CRTAC1: variants seen among roughly 807,000 people sequenced by gnomAD.
The protein encoded by CRTAC1 is acidic secreted protein in cartilage.
Under a neutral mutation model 67.8 loss-of-function variants are expected in CRTAC1, and 37 were observed. The observed-to-expected ratio is 0.55, with a 90% CI of 0.42 to 0.72. The LOEUF is 0.72. Among genes scored for constraint, CRTAC1 ranks in the 30% least tolerant of loss-of-function variants. The probability of loss-of-function intolerance (pLI) is 0.00; values close to 1 mark genes in which losing one functional copy is unlikely to be tolerated. For synonymous variants in CRTAC1, 348 were observed against 371.0 expected (o/e 0.94, Z 0.71); for missense variants, 780 against 931.6 (o/e 0.84, Z 2.12).
intron 2 of CRTAC1, among the ~76,000 whole-genome samples, chr10:98,000,596 G>A (rs764396507): frequency 2.6e-5 from 4 of 152,234 alleles, no homozygotes; most frequent in African/African-American, 9.6e-5. Context: ...TGAGCTGAGC[G>A]CAGCCTGCCA....
rs760802436 is a variant in CRTAC1 at position 97,884,169 on chromosome 10, G to A, written c.1632+37C>T. ...GCCCATGGGGTTGTGGGTGGTGCCC[G>A]CTTTTCTGGCTATGAGGCCCAGATG... On this transcript the variant is annotated intron_variant, in intron 12 of 14. Coordinates refer to ENST00000370597, the MANE Select transcript of CRTAC1 (RefSeq NM_018058.7). The A allele has an allele frequency of 8.4e-6, 13 of 1,544,672 alleles. No homozygotes were observed. The Middle Eastern group carries it at 6.8e-4, about 81-fold the overall frequency.
intron 4 of CRTAC1, among the ~76,000 whole-genome samples, chr10:97,919,843 G>A (rs918340108): frequency 1.3e-5 from 2 of 148,156 alleles, no homozygotes; most frequent in Non-Finnish European, 1.5e-5. Context: ...GGGTTCAAGT[G>A]ATCCTCCCAC....
intron 5 of CRTAC1, among the ~76,000 whole-genome samples, chr10:97,916,777 T>C (rs191172644): frequency 6.6e-6 from 1 of 152,214 alleles, no homozygotes; most frequent in Admixed American, 6.5e-5. Context: ...GGCTTCCTGA[T>C]TTTTGGCACC....
intron 14 of CRTAC1, among the ~76,000 whole-genome samples, chr10:97,877,158 C>T (rs2050157811): frequency 6.6e-6 from 1 of 152,050 alleles, no homozygotes; most frequent in Non-Finnish European, 1.5e-5. Flanking sequence ...TCAATAAATG[C>T]TTGCTGAATG....
intron 2 of CRTAC1, among the ~76,000 whole-genome samples, chr10:97,973,318 A>G (rs918499062): frequency 6.6e-6 from 1 of 152,122 alleles, no homozygotes; most frequent in Admixed American, 6.5e-5. Flanking sequence ...TCACACACCA[A>G]CAAATTACGC....
chr10:97,998,754 C>G (rs1371968372), intron 2 of CRTAC1, among the ~76,000 whole-genome samples: 1 of 151,874 alleles, frequency 6.6e-6, no homozygotes, highest in Non-Finnish European at 1.5e-5. Flanking sequence ...AACAACAAAA[C>G]TATTATTAAT....
chr10:97,919,893 C>A (rs2050812562), intron 4 of CRTAC1, among the ~76,000 whole-genome samples: 1 of 149,708 alleles, frequency 6.7e-6, no homozygotes. Context: ...GTGTGCCCCA[C>A]CACACCCAGC....
chr10:97,967,925 CG>C (rs1564916093), intron 2 of CRTAC1, among the ~76,000 whole-genome samples: 1 of 152,102 alleles, frequency 6.6e-6, no homozygotes, highest in African/African-American at 2.4e-5. Flanking sequence ...CATGGCTTCC[CG>C]GGGGCATTCT....
chr10:97,996,623 T>G (rs1362774273), intron 2 of CRTAC1, among the ~76,000 whole-genome samples: 1 of 152,202 alleles, frequency 6.6e-6, no homozygotes, highest in Non-Finnish European at 1.5e-5. Flanking sequence ...GGAACACTTT[T>G]ACACTGTTGG....
chr10:97,916,064 C>A (rs576711338), intron 5 of CRTAC1, among the ~76,000 whole-genome samples: 47 of 152,186 alleles, frequency 3.1e-4, no homozygotes, highest in African/African-American at 1.1e-3. Context: ...CAAACCCAGC[C>A]GCAACCTCCA....
intron 2 of CRTAC1, among the ~76,000 whole-genome samples, chr10:97,997,064 A>G (rs1174148658): frequency 2.6e-5 from 3 of 117,566 alleles, no homozygotes; most frequent in African/African-American, 9.8e-5. Flanking sequence ...GAAGGGGAAC[A>G]TCACACTCTG....
At chr10:97,944,699 C>T (rs1032253544) in intron 2 of CRTAC1, among the ~76,000 whole-genome samples, 14 of 152,286 alleles carry the variant, frequency 9.2e-5, no homozygotes, top group Admixed American at 3.3e-4. Flanking sequence ...TTGCAGAAGA[C>T]GGTGGAAGTG....
intron 2 of CRTAC1, among the ~76,000 whole-genome samples, chr10:98,002,385 A>G (rs946378067): frequency 2.0e-5 from 3 of 152,192 alleles, no homozygotes; most frequent in Non-Finnish European, 4.4e-5. Context: ...AGGAACAAAA[A>G]CAAATAAGCC....
chr10:97,964,640 C>G (rs548538463), intron 2 of CRTAC1, among the ~76,000 whole-genome samples: 2 of 152,140 alleles, frequency 1.3e-5, no homozygotes, highest in African/African-American at 4.8e-5. Flanking sequence ...GAAGGCTTGC[C>G]GACCACACAG....
intron 4 of CRTAC1, among the ~76,000 whole-genome samples, chr10:97,921,980 C>T (rs115164061): frequency 0.014 from 2,176 of 151,672 alleles, 52 homozygotes; most frequent in African/African-American, 0.049. Context: ...CTTGTTAGGA[C>T]AGAGTGCATC....
intron 1 of CRTAC1, among the ~76,000 whole-genome samples, chr10:98,022,535 C>T (rs142170024): frequency 2.3e-4 from 34 of 150,892 alleles, no homozygotes; most frequent in East Asian, 9.8e-4. Context: ...TATGGATCAA[C>T]GATATGGATG....
intron 2 of CRTAC1, among the ~76,000 whole-genome samples, chr10:98,003,761 C>CA (rs1842735767): frequency 2.0e-5 from 3 of 152,184 alleles, no homozygotes; most frequent in Admixed American, 2.0e-4. Context: ...CACCAACTGG[C>CA]ACACTTGTTC....
intron 1 of CRTAC1, among the ~76,000 whole-genome samples, chr10:98,013,976 T>C (rs1590292880): frequency 2.0e-5 from 3 of 152,176 alleles, no homozygotes; most frequent in African/African-American, 7.2e-5. Context: ...ATTTCATTCC[T>C]CTGCCATGCC....
In CRTAC1 at chr10:97,865,705, C is replaced by A; in HGVS notation, c.1829G>T (p.Gly610Val). The A allele has an allele frequency of 6.2e-7, 1 of 1,602,406 alleles. No individual in the cohort carries two copies. The highest frequency in any genetic ancestry group is 8.5e-7 in the Non-Finnish European group (1 of 1,174,750). Residue 610 changes from glycine to valine, a missense_variant, in exon 15 of 15, where the codon GGC becomes GTC. By Grantham distance (109) the Gly-to-Val change is moderately radical. Coordinates refer to ENST00000370597, the MANE Select transcript of CRTAC1 (RefSeq NM_018058.7). Reference protein sequence around the residue: ...EDGTACVGTLGQSPGPRPTTP... With the variant: ...EDGTACVGTLVQSPGPRPTTP... Reference sequence around the variant, plus strand: ...GGTGGGGCGGGGGCCCGGTGACTGGCCGAGAGTCCCTGTAGGGAGGTGTAT... The same window carrying A: ...GGTGGGGCGGGGGCCCGGTGACTGGACGAGAGTCCCTGTAGGGAGGTGTAT...
Sources: allele counts gnomAD v4.1 joint callset (sites outside exome capture counted in the v4.1 genomes callset), GRCh38; gene constraint gnomAD v4.1.1; transcripts MANE v1.5; gene names NCBI Gene and HGNC (gene_info 2026-07-23, HGNC 2026-07-21).